WNK2: variants seen among roughly 807,000 people sequenced by gnomAD.
WNK2 encodes the protein WNK lysine deficient protein kinase 2.
WNK2 carries 67 observed loss-of-function variants against 192.1 expected under a neutral mutation model. The ratio of observed to expected loss-of-function variants is 0.35; its 90% CI spans 0.29 to 0.43. The LOEUF (loss-of-function observed/expected upper bound fraction) is 0.43, where lower values mean the gene tolerates loss of function less well. WNK2 is among the 20% of genes least tolerant of loss of function. WNK2 has a pLI of 1.00. For missense variants in WNK2, 2,698 were observed against 3,089.7 expected (o/e 0.87, Z 3.01); for synonymous variants, 1,439 against 1,393.9 (o/e 1.03, Z -0.72).
chr9:93,229,968 G>T lies in WNK2; in HGVS notation c.854+100G>T. 7.0e-7 allele frequency: 1 copy of T among 1,437,190 alleles called. No homozygotes were observed. The allele number at this position is 1,437,190 out of a possible 1,614,324, so 89.0% of individuals were successfully genotyped here. ...TGGGCTGCTGGGGTGGTCCTGGCTG[G>T]TGCCTGTGGGAGGCTGTCTCCTCTT... On this transcript the variant is annotated intron_variant, in intron 3 of 29. Transcript: ENST00000427277. The surrounding 1 kb of genome is among the most constrained non-coding windows in gnomAD (Gnocchi z 4.9).
chr9:93,226,235 A>G (rs1837796050), intron 2 of WNK2, among the ~76,000 whole-genome samples: 1 of 152,160 alleles, frequency 6.6e-6, no homozygotes, highest in African/African-American at 2.4e-5. Context: ...TGGGGTGTTC[A>G]TTTACTCTGA....
At chr9:93,249,350 A>C (rs1343197803) in intron 8 of WNK2, among the ~76,000 whole-genome samples, 4 of 152,254 alleles carry the variant, frequency 2.6e-5, no homozygotes, top group Non-Finnish European at 5.9e-5. Context: ...AGATGGAGAC[A>C]TCGACTGACT....
Position 93,259,186 on chromosome 9 carries a change from G to A in WNK2, c.2638G>A (p.Ala880Thr), listed in dbSNP as rs774470262. 4 of 1,612,482 alleles carry A rather than the reference G, an allele frequency of 2.5e-6. No homozygotes were observed. Among genetic ancestry groups the A allele is most frequent in the Non-Finnish European group, 3.4e-6 (4 of 1,179,714 alleles). The change falls in exon 12 of 30, where the codon GCA becomes ACA. Residue 880 changes from alanine to threonine, a missense_variant. Physicochemically the swap from Ala to Thr is moderately conservative, Grantham distance 58. Coordinates refer to ENST00000427277, the MANE Select transcript of WNK2 (RefSeq NM_006648.4). This position sits in a 1 kb window ranked among gnomAD's most constrained non-coding sequence, Gnocchi z 4.8. Reference protein sequence around the residue: ...AMPCRTIVPNAPATIPLLAVA... With the variant: ...AMPCRTIVPNTPATIPLLAVA... ...GCCCTGCCGGACCATTGTGCCAAAT[G>A]CACCGGCCACTATCCCCCTGCTGGC...
intron 29 of WNK2, chr9:93,318,196 G>C: frequency 6.7e-7 from 1 of 1,486,844 alleles, no homozygotes. Flanking sequence ...ATTTGCAATT[G>C]GCTTGTGCAT....
At chr9:93,225,611 C>G (rs1055355024) in intron 2 of WNK2, among the ~76,000 whole-genome samples, 5 of 152,202 alleles carry the variant, frequency 3.3e-5, no homozygotes, top group African/African-American at 1.2e-4. Context: ...CCCCCTACTT[C>G]CCGTTTTTTC....
At chr9:93,279,048 A>G (rs1006264229) in intron 19 of WNK2, among the ~76,000 whole-genome samples, 5 of 152,220 alleles carry the variant, frequency 3.3e-5, no homozygotes, top group African/African-American at 1.2e-4. Context: ...GCCGAAAAGC[A>G]TCCCCCAAAG....
intron 2 of WNK2, among the ~76,000 whole-genome samples, chr9:93,210,814 T>C (rs1214256309): frequency 6.6e-6 from 1 of 152,176 alleles, no homozygotes; most frequent in Non-Finnish European, 1.5e-5. Flanking sequence ...TGTCCCAGGC[T>C]GTGTGAGGCC....
At chr9:93,202,735 G>C (rs1011847366) in intron 2 of WNK2, among the ~76,000 whole-genome samples, 1 of 151,888 alleles carries the variant, frequency 6.6e-6, no homozygotes, top group Non-Finnish European at 1.5e-5. Context: ...CACTGCAGCC[G>C]GGGCTAAATG....
chr9:93,201,709 G>T (rs1832392943), intron 2 of WNK2, among the ~76,000 whole-genome samples: 1 of 152,180 alleles, frequency 6.6e-6, no homozygotes, highest in Non-Finnish European at 1.5e-5. Flanking sequence ...TCTCCCCCGT[G>T]TCCTGAGAAA....
intron 27 of WNK2, chr9:93,307,100 T>A: frequency 3.9e-6 from 2 of 518,938 alleles, no homozygotes; most frequent in Non-Finnish European, 6.9e-6. Context: ...AAATTGCCGA[T>A]CATTAATTGG....
At chr9:93,292,280 C>G in intron 21 of WNK2, 28 bp from the exon 22 acceptor site, 1 of 1,611,886 alleles carries the variant, frequency 6.2e-7, no homozygotes, top group Non-Finnish European at 8.5e-7. Flanking sequence ...CTCCTTCAGC[C>G]CCAGTAACGT....
intron 29 of WNK2, chr9:93,317,941 T>G: frequency 6.2e-7 from 1 of 1,610,398 alleles, no homozygotes; most frequent in Non-Finnish European, 8.5e-7. Context: ...CACCGCCTGC[T>G]GTGGGCACAG....
At position 93,263,568 on chromosome 9, in the gene WNK2, A is replaced by G. The variant is rs748296178; in HGVS notation, c.3413A>G (p.Tyr1138Cys). The change falls in exon 15 of 30, where the codon TAT (tyrosine) becomes TGT (cysteine). Residue 1138 changes from tyrosine to cysteine, a missense_variant and splice_region_variant. Around this residue, in one of 7 missense-constraint regions of WNK2, gnomAD observed 893 missense variants for 909.0 expected, o/e 0.98. Coordinates refer to ENST00000427277, the MANE Select transcript of WNK2 (RefSeq NM_006648.4). ...PPGLPQSCES[Y>C]GGSDVTSGKE... ...TAATGTTCTTGGGTTTTGCTCAGCT[A>G]TGGAGGTTCTGATGTCACTTCTGGA... 1.1e-5 allele frequency: 18 copies of G among 1,610,944 alleles called. No homozygotes were observed. Among genetic ancestry groups the G allele is most frequent in the Middle Eastern group, 3.3e-4 (2 of 6,080 alleles).
intron 2 of WNK2, among the ~76,000 whole-genome samples, chr9:93,192,123 G>A (rs1001970380): frequency 6.6e-5 from 10 of 151,942 alleles, no homozygotes; most frequent in African/African-American, 2.4e-4. Flanking sequence ...AGGCCATCCT[G>A]GCCAACATGG....
chr9:93,210,844 C>G (rs1483023855), intron 2 of WNK2, among the ~76,000 whole-genome samples: 2 of 152,166 alleles, frequency 1.3e-5, no homozygotes, highest in African/African-American at 4.8e-5. Context: ...ATAGACCGGC[C>G]CTCCTTTGGG....
At chr9:93,217,876 G>C (rs967727242) in intron 2 of WNK2, among the ~76,000 whole-genome samples, 2 of 152,232 alleles carry the variant, frequency 1.3e-5, no homozygotes, top group Non-Finnish European at 2.9e-5. Context: ...GGCCTCTGGG[G>C]AGGAAAGGAA....
chr9:93,240,001 G>C (rs781058752), intron 7 of WNK2, 25 bp downstream of exon 7: 2 of 1,593,346 alleles, frequency 1.3e-6, no homozygotes, highest in Non-Finnish European at 1.7e-6. Flanking sequence ...GATGGGGTGA[G>C]GTGGGTGCAG....
intron 21 of WNK2, 96 bp from the exon 22 acceptor site, chr9:93,292,212 C>G: frequency 1.5e-6 from 2 of 1,303,554 alleles, no homozygotes; most frequent in Middle Eastern, 1.8e-4. Context: ...GGAGGCACTC[C>G]CATGGGATCA....
chr9:93,247,919 C>T lies in WNK2; in HGVS notation c.1834+85C>T, dbSNP rs1842009211. Reference sequence around the variant, plus strand: ...GCTATTGGGCAAAGAAAAATGAAGTCCTCTCCCTTTATTGGAATGCTTTGT... The same window carrying T: ...GCTATTGGGCAAAGAAAAATGAAGTTCTCTCCCTTTATTGGAATGCTTTGT... On this transcript the variant is annotated intron_variant, in intron 8 of 29. Transcript: ENST00000427277. The surrounding 1 kb of genome is among the most constrained non-coding windows in gnomAD (Gnocchi z 5.2). The T allele has an allele frequency of 7.1e-7, 1 of 1,405,946 alleles. No individual in the cohort carries two copies. Among genetic ancestry groups the T allele is most frequent in the African/African-American group, 1.4e-5 (1 of 69,930 alleles). 87.1% of individuals were successfully genotyped at this position (1,405,946 alleles called of 1,614,324 possible).
Sources: allele counts gnomAD v4.1 joint callset (sites outside exome capture counted in the v4.1 genomes callset), GRCh38; gene constraint gnomAD v4.1.1; regional missense constraint gnomAD v4.1.1; non-coding constraint Gnocchi (gnomAD v3.1); transcripts MANE v1.5; gene names NCBI Gene and HGNC (gene_info 2026-07-23, HGNC 2026-07-21).